The following PPP2R2C variants were observed in gnomAD, a reference collection of about 807,000 sequenced individuals.
PPP2R2C encodes protein phosphatase 2 regulatory subunit Bgamma.
Under a neutral mutation model 45.3 loss-of-function variants are expected in PPP2R2C, and 10 were observed. The observed-to-expected ratio is 0.22, with a 90% CI of 0.14 to 0.37. PPP2R2C has a LOEUF of 0.37. Among genes scored for constraint, PPP2R2C ranks in the 10% least tolerant of loss-of-function variants. The pLI, the probability that PPP2R2C is intolerant of heterozygous loss-of-function variation, is 1.00. For synonymous variants in PPP2R2C, 257 were observed against 245.4 expected, an observed-to-expected ratio of 1.05 and a Z score of -0.44; for missense variants, 308 against 619.7, an observed-to-expected ratio of 0.50 and a Z score of 5.34.
chr4:6,452,333 C>T (rs12511611), intron 1 of PPP2R2C, among the ~76,000 whole-genome samples: 43,955 of 152,012 alleles, frequency 0.29, 6,796 homozygotes, highest in Non-Finnish European at 0.36. Flanking sequence ...TTCCTCACTT[C>T]CCAGCTCCTG....
chr4:6,473,748 G>A (rs1722036344), upstream of PPP2R2C, among the ~76,000 whole-genome samples: 1 of 152,232 alleles, frequency 6.6e-6, no homozygotes, highest in Admixed American at 6.5e-5. Flanking sequence ...GGCGTTGGGG[G>A]CAGGGAGACT....
chr4:6,466,559 T>C (rs929024950), intron 1 of PPP2R2C, among the ~76,000 whole-genome samples: 4 of 152,152 alleles, frequency 2.6e-5, no homozygotes, highest in Non-Finnish European at 4.4e-5. Flanking sequence ...TGGAAGGAAA[T>C]ACCCCAGTTG....
intron 5 of PPP2R2C, among the ~76,000 whole-genome samples, chr4:6,366,812 G>A (rs73798211): frequency 0.037 from 5,677 of 152,260 alleles, 144 homozygotes; most frequent in Non-Finnish European, 0.055. Context: ...AGTGTGACCC[G>A]AGAGGTGGGC....
At chr4:6,447,653 A>G (rs984931440) in intron 1 of PPP2R2C, among the ~76,000 whole-genome samples, 44 of 152,182 alleles carry the variant, frequency 2.9e-4, no homozygotes, top group African/African-American at 9.9e-4. Flanking sequence ...GAAACTGGCA[A>G]CCACATCTGT....
intron 1 of PPP2R2C, among the ~76,000 whole-genome samples, chr4:6,544,887 G>A (rs556926577): frequency 2.0e-5 from 3 of 152,206 alleles, no homozygotes; most frequent in African/African-American, 7.2e-5. Flanking sequence ...TTGATTCCAG[G>A]TTTATTTTGT....
intron 2 of PPP2R2C, among the ~76,000 whole-genome samples, chr4:6,515,657 T>C (rs1029462725): frequency 9.2e-5 from 14 of 152,356 alleles, no homozygotes; most frequent in African/African-American, 3.1e-4. Flanking sequence ...CCTTTGCCTA[T>C]TGCCTGGTAT....
At chr4:6,529,397 G>A (rs998531101) in intron 2 of PPP2R2C, among the ~76,000 whole-genome samples, 12 of 152,262 alleles carry the variant, frequency 7.9e-5, no homozygotes, top group African/African-American at 2.9e-4. Context: ...GGAGCCAGCA[G>A]GGGGCTCATA....
At chr4:6,381,472 C>A in intron 1 of PPP2R2C, 1 of 1,369,802 alleles carries the variant, frequency 7.3e-7, no homozygotes, top group African/African-American at 1.5e-5. Context: ...CCACCCAGGC[C>A]CCCATGCTCC....
chr4:6,381,882 G>T, intron 1 of PPP2R2C: 1 of 1,607,856 alleles, frequency 6.2e-7, no homozygotes, highest in Non-Finnish European at 8.5e-7. Flanking sequence ...GGAACTAGGG[G>T]AACACCCCTT....
upstream of PPP2R2C, among the ~76,000 whole-genome samples, chr4:6,475,620 C>T (rs1192835684): frequency 1.3e-5 from 2 of 152,306 alleles, no homozygotes; most frequent in African/African-American, 4.8e-5. Flanking sequence ...GCTGAGTTCT[C>T]GTGGTCTCAC....
intron 2 of PPP2R2C, among the ~76,000 whole-genome samples, chr4:6,485,297 G>C (rs1011139335): frequency 3.3e-5 from 5 of 151,802 alleles, no homozygotes; most frequent in Non-Finnish European, 7.4e-5. Context: ...TTGTTAGATT[G>C]AATTTGCTAA....
At chr4:6,333,205 C>A (rs934026027) in intron 7 of PPP2R2C, among the ~76,000 whole-genome samples, 1 of 152,136 alleles carries the variant, frequency 6.6e-6, no homozygotes, top group Non-Finnish European at 1.5e-5. Flanking sequence ...GGTACAGCTC[C>A]GATGCAGGCT....
intron 4 of PPP2R2C, 133 bp from the exon 5 acceptor site, chr4:6,372,833 T>C: frequency 1.1e-6 from 1 of 889,126 alleles, no homozygotes; most frequent in Non-Finnish European, 1.7e-6. Context: ...CTCCGTGGTC[T>C]GAAATAGGCA....
chr4:6,380,646 G>A (rs2109312394), intron 2 of PPP2R2C, among the ~76,000 whole-genome samples: 2 of 152,260 alleles, frequency 1.3e-5, no homozygotes, highest in Middle Eastern at 6.8e-3. Flanking sequence ...CAGAGCATGG[G>A]ATGCAGGCAG....
Position 6,548,357 on chromosome 4 carries a change from C to T in PPP2R2C, c.-58-12980G>A, listed in dbSNP as rs547704547. 5.9e-5 allele frequency among the ~76,000 whole-genome samples: 9 copies of T among 152,356 alleles called. No homozygotes were observed. In the East Asian group the frequency reaches 1.4e-3, roughly 23 times the overall value. On this transcript the variant is annotated intron_variant, in intron 1 of 9. Coordinates refer to the PPP2R2C transcript ENST00000506140. ...GATGGATGACAACCCACCTTCTCCA[C>T]CTCCAAGCTTCCTGCTCCCATCCTC...
At chr4:6,385,147 G>A (rs999901640) in intron 1 of PPP2R2C, among the ~76,000 whole-genome samples, 1 of 152,124 alleles carries the variant, frequency 6.6e-6, no homozygotes, top group African/African-American at 2.4e-5. Context: ...GCTCTGCAAT[G>A]TGGCGATGGA....
At chr4:6,384,744 T>C in intron 1 of PPP2R2C, 4 of 985,494 alleles carry the variant, frequency 4.1e-6, no homozygotes, top group Non-Finnish European at 4.8e-6. Context: ...TCATATCTGC[T>C]ACCTCCTTTA....
intron 2 of PPP2R2C, among the ~76,000 whole-genome samples, chr4:6,531,781 T>A (rs1219480395): frequency 1.3e-5 from 2 of 152,008 alleles, no homozygotes; most frequent in African/African-American, 4.8e-5. Flanking sequence ...TGCCACTCAG[T>A]CCCCAGCATT....
At chr4:6,406,802 G>T (rs1478656359) in intron 1 of PPP2R2C, among the ~76,000 whole-genome samples, 1 of 151,958 alleles carries the variant, frequency 6.6e-6, no homozygotes, top group African/African-American at 2.4e-5. Context: ...AAAACAAAAG[G>T]TATGTCCACA....
Sources: allele counts gnomAD v4.1 joint callset (sites outside exome capture counted in the v4.1 genomes callset), GRCh38; gene constraint gnomAD v4.1.1; transcripts MANE v1.5; gene names NCBI Gene and HGNC (gene_info 2026-07-23, HGNC 2026-07-21).